PDE3B: variants seen among roughly 807,000 people sequenced by gnomAD.
The protein encoded by PDE3B is cGMP-inhibited 3',5'-cyclic phosphodiesterase 3B.
Under a neutral mutation model 116.8 loss-of-function variants are expected in PDE3B, and 66 were observed. The observed-to-expected ratio is 0.56, with a 90% CI of 0.46 to 0.69. PDE3B has a LOEUF of 0.69. Ranked by LOEUF, PDE3B falls within the 30% of genes least tolerant of loss-of-function variation. The pLI is 0.00. For missense variants in PDE3B, 1,384 were observed against 1,368.1 expected (o/e 1.01, Z -0.18); for synonymous variants, 595 against 533.6 (o/e 1.12, Z -1.59).
intron 12 of PDE3B, among the ~76,000 whole-genome samples, chr11:14,857,980 AG>A (rs557574108): frequency 1.3e-5 from 2 of 152,342 alleles, no homozygotes; most frequent in South Asian, 4.1e-4. Context: ...GTTGTATTAC[AG>A]GTGGTATGAA....
chr11:14,752,573 T>C (rs1262418372), intron 1 of PDE3B, among the ~76,000 whole-genome samples: 1 of 152,184 alleles, frequency 6.6e-6, no homozygotes, highest in Non-Finnish European at 1.5e-5. Flanking sequence ...TCAAGTTTTA[T>C]GCTATGGAGT....
intron 1 of PDE3B, among the ~76,000 whole-genome samples, chr11:14,706,918 G>T (rs2082055573): frequency 6.6e-6 from 1 of 151,834 alleles, no homozygotes; most frequent in Non-Finnish European, 1.5e-5. Context: ...TAAGTGTCAA[G>T]ATTTCCCCCT....
chr11:14,744,510 ATTAAG>A (rs1856853521), intron 1 of PDE3B, among the ~76,000 whole-genome samples: 1 of 152,120 alleles, frequency 6.6e-6, no homozygotes, highest in African/African-American at 2.4e-5. Flanking sequence ...TACTGCCTTG[ATTAAG>A]TTTATTACCA....
the PDE3B span, among the ~76,000 whole-genome samples, chr11:14,898,520 A>G: frequency 6.6e-6 from 1 of 152,106 alleles, no homozygotes; most frequent in Non-Finnish European, 1.5e-5. Context: ...CACATGGCAC[A>G]ACATTTACAG....
intron 2 of PDE3B, among the ~76,000 whole-genome samples, chr11:14,784,334 T>A (rs1391584353): frequency 6.6e-6 from 1 of 152,188 alleles, no homozygotes; most frequent in East Asian, 1.9e-4. Flanking sequence ...TCATATTTGA[T>A]GATTGCAACA....
rs139758555 is a variant in PDE3B at position 14,871,843 on chromosome 11, T to G, written c.*2183T>G. On this transcript the variant is annotated 3_prime_UTR_variant, in exon 16 of 16. Transcript: ENST00000282096. ...ATATATTAAATGCACACTGTACCAT[T>G]AGATGAAATCTTACTTGAGAAATTG... 5 of 152,302 alleles carry G rather than the reference T, an allele frequency of 3.3e-5. No individual in the cohort carries two copies. In the East Asian group the frequency reaches 9.6e-4, roughly 29 times the overall value. 9.4% of individuals were successfully genotyped at this position (152,302 alleles called of 1,614,324 possible). A position where few individuals can be genotyped will look rare whatever the true frequency, so the allele number is the denominator to read the frequency against.
intron 7 of PDE3B, among the ~76,000 whole-genome samples, chr11:14,827,447 T>G (rs1407909980): frequency 1.3e-5 from 2 of 152,174 alleles, no homozygotes; most frequent in African/African-American, 4.8e-5. Context: ...CTCCTTAAGC[T>G]AATAAGTAAC....
intron 14 of PDE3B, among the ~76,000 whole-genome samples, chr11:14,864,053 G>A (rs1555007679): frequency 6.6e-6 from 1 of 152,196 alleles, no homozygotes; most frequent in Non-Finnish European, 1.5e-5. Flanking sequence ...GCTGTATTCA[G>A]GAGACCCATC....
At chr11:14,844,322 T>A (rs759261561) in intron 12 of PDE3B, among the ~76,000 whole-genome samples, 1 of 152,218 alleles carries the variant, frequency 6.6e-6, no homozygotes, top group East Asian at 1.9e-4. Flanking sequence ...CCAGCAAAAC[T>A]CTGACTGTAT....
At position 14,831,752 on chromosome 11, in the gene PDE3B, A is replaced by G. The variant is rs1268222901; in HGVS notation, c.2069A>G (p.Glu690Gly). The G allele has an allele frequency of 6.2e-7, 1 of 1,604,568 alleles. No individual in the cohort carries two copies. Among genetic ancestry groups the G allele is most frequent in the Admixed American group, 1.7e-5 (1 of 58,970 alleles). ...PIFELVEKMG[E>G]KSGRILSQVM... ...TTTGAACTTGTAGAAAAGATGGGAG[A>G]GAAATCAGGAAGGATTCTCAGTCAG... The change falls in exon 9 of 16, where the codon GAG becomes GGG. Residue 690 changes from glutamate (E) to glycine (G), a missense_variant. This residue lies in a region of PDE3B where 428 missense variants were observed against 561.4 expected (regional missense o/e 0.76). Transcript: ENST00000282096.
intron 1 of PDE3B, among the ~76,000 whole-genome samples, chr11:14,670,121 C>A (rs1854320924): frequency 6.6e-6 from 1 of 152,154 alleles, no homozygotes; most frequent in South Asian, 2.1e-4. Context: ...GTACAAAGAT[C>A]AGAAGTCATT....
intron 1 of PDE3B, among the ~76,000 whole-genome samples, chr11:14,759,450 C>G (rs1857290747): frequency 6.6e-6 from 1 of 151,820 alleles, no homozygotes; most frequent in African/African-American, 2.4e-5. Context: ...ACATCTGGAA[C>G]AAAGTTCAGT....
At chr11:14,659,555 A>G (rs934372276) in intron 1 of PDE3B, among the ~76,000 whole-genome samples, 3 of 152,204 alleles carry the variant, frequency 2.0e-5, no homozygotes, top group African/African-American at 7.2e-5. Context: ...CAGGTTTGTA[A>G]AGGTAAACTT....
intron 1 of PDE3B, among the ~76,000 whole-genome samples, chr11:14,753,046 T>G (rs779921982): frequency 2.6e-5 from 4 of 152,110 alleles, no homozygotes; most frequent in Non-Finnish European, 5.9e-5. Flanking sequence ...AGATAACATA[T>G]TTGTGTTTTG....
At chr11:14,864,517 T>C (rs1555007763) in intron 14 of PDE3B, among the ~76,000 whole-genome samples, 1 of 152,114 alleles carries the variant, frequency 6.6e-6, no homozygotes, top group East Asian at 1.9e-4. Context: ...CAGCACCACA[T>C]CGCACTTGTT....
chr11:14,682,323 T>C (rs533960156), intron 1 of PDE3B, among the ~76,000 whole-genome samples: 39 of 152,344 alleles, frequency 2.6e-4, no homozygotes, highest in African/African-American at 7.5e-4. Flanking sequence ...CTTTCTAATC[T>C]GTATACTTTT....
chr11:14,708,000 T>G (rs181142651), intron 1 of PDE3B, among the ~76,000 whole-genome samples: 377 of 152,174 alleles, frequency 2.5e-3, no homozygotes, highest in Non-Finnish European at 3.5e-3. Context: ...TTATTTAGCC[T>G]TCTTCTTGGT....
chr11:14,874,700 A>G (rs559928740), downstream of PDE3B, among the ~76,000 whole-genome samples: 18 of 152,154 alleles, frequency 1.2e-4, no homozygotes, highest in South Asian at 3.5e-3. Flanking sequence ...AATTCTAACT[A>G]TACAAAGCAA....
At chr11:14,744,770 C>T (rs1210534906) in intron 1 of PDE3B, among the ~76,000 whole-genome samples, 2 of 152,084 alleles carry the variant, frequency 1.3e-5, no homozygotes, top group Non-Finnish European at 2.9e-5. Flanking sequence ...TGGAACTCAA[C>T]TCTAGGAGAA....
Sources: allele counts gnomAD v4.1 joint callset (sites outside exome capture counted in the v4.1 genomes callset), GRCh38; gene constraint gnomAD v4.1.1; regional missense constraint gnomAD v4.1.1; transcripts MANE v1.5; gene names NCBI Gene and HGNC (gene_info 2026-07-23, HGNC 2026-07-21).